PLAU: variants seen among roughly 807,000 people sequenced by gnomAD.
PLAU encodes plasminogen activator, urokinase, also known as urokinase-type plasminogen activator.
In PLAU, 32 loss-of-function variants were observed where a neutral mutation model predicts 48.9. That is an observed-to-expected ratio of 0.65 (90% confidence interval 0.49 to 0.88). PLAU has a LOEUF of 0.88. Ranked by LOEUF, PLAU falls within the 40% of genes least tolerant of loss-of-function variation. The probability of loss-of-function intolerance (pLI) is 0.00; values close to 1 mark genes in which losing one functional copy is unlikely to be tolerated. For missense variants in PLAU, 455 were observed against 545.2 expected (o/e 0.83, Z 1.65); for synonymous variants, 199 against 205.7 (o/e 0.97, Z 0.28).
intron 5 of PLAU, 61 bp from the exon 6 acceptor site, chr10:73,913,229 G>A (rs373311288): frequency 1.3e-6 from 2 of 1,573,690 alleles, no homozygotes; most frequent in Non-Finnish European, 1.7e-6. Flanking sequence ...TTCCCTGAGG[G>A]GAGGAGGCAG....
In PLAU at chr10:73,916,835, G is replaced by T. The variant is rs1338211434; in HGVS notation, c.*270G>T. Reference sequence around the variant, plus strand: ...GCAACTTGTCTTTTTCTGGACTGAAGCCTGCAGGAGTTAAAAAGGGCAGGG... The same window carrying T: ...GCAACTTGTCTTTTTCTGGACTGAATCCTGCAGGAGTTAAAAAGGGCAGGG... On this transcript the variant is annotated 3_prime_UTR_variant, in exon 11 of 11. Transcript: ENST00000372764. 1 of 427,148 alleles carries T rather than the reference G, an allele frequency of 2.3e-6. No individual in the cohort carries two copies. The allele number at this position is 427,148 out of a possible 1,614,324, so 26.5% of individuals were successfully genotyped here. A position where few individuals can be genotyped will look rare whatever the true frequency, so the allele number is the denominator to read the frequency against.
At chr10:73,911,680 G>C in intron 2 of PLAU, 68 bp downstream of exon 2, 1 of 1,593,442 alleles carries the variant, frequency 6.3e-7, no homozygotes, top group Non-Finnish European at 8.5e-7. Flanking sequence ...GAGAGGAGGG[G>C]CTGCTCAGGG....
rs150522269 is a variant in PLAU, at chr10:73,916,428, C to T, written c.1159C>T (p.Arg387Cys). Residue 387 changes from arginine (R) to cysteine (C), a missense_variant, in exon 11 of 11, where the codon CGC becomes TGC. Arg to Cys is a radical substitution (Grantham distance 180). Coordinates refer to ENST00000372764, the MANE Select transcript of PLAU (RefSeq NM_002658.6). ...GGPLVCSLQGRMTLTGIVSWG... is the reference protein window; with the variant it reads ...GGPLVCSLQGCMTLTGIVSWG... Reference sequence around the variant, plus strand: ...ACCCCTCGTCTGTTCCCTCCAAGGCCGCATGACTTTGACTGGAATTGTGAG... The same window carrying T: ...ACCCCTCGTCTGTTCCCTCCAAGGCTGCATGACTTTGACTGGAATTGTGAG... 42 of 1,613,692 alleles carry T rather than the reference C, an allele frequency of 2.6e-5. No homozygotes were observed. The highest frequency in any genetic ancestry group is 1.2e-4 in the Admixed American group (7 of 59,972).
At chr10:73,914,233 G>A in intron 8 of PLAU, 105 bp downstream of exon 8, 1 of 1,185,730 alleles carries the variant, frequency 8.4e-7, no homozygotes, top group Non-Finnish European at 1.2e-6. Flanking sequence ...GGCAGGGGTG[G>A]GGCGAGGGAC....
At position 73,912,916 on chromosome 10, in the gene PLAU, C is replaced by G; in HGVS notation, c.194-8C>G. 6.3e-7 allele frequency: 1 copy of G among 1,596,172 alleles called. No homozygotes were observed. The highest frequency in any genetic ancestry group is 8.5e-7 in the Non-Finnish European group (1 of 1,171,202). ...CTCATATTCTCTCATCCTCCTGTCC[C>G]CTTGTAGATAAGTCAAAAACCTGCT... On this transcript the variant is annotated splice_region_variant and splice_polypyrimidine_tract_variant and intron_variant, in intron 4 of 10. Transcript: ENST00000372764.
chr10:73,915,124 G>A, intron 9 of PLAU, 127 bp from the exon 10 acceptor site: 1 of 1,122,032 alleles, frequency 8.9e-7, no homozygotes, highest in Non-Finnish European at 1.3e-6. Context: ...TGGAGTAAAG[G>A]CTCAGATTTG....
In PLAU at chr10:73,914,034, C is replaced by T. The variant is rs1249124159; in HGVS notation, c.735C>T (p.Asn245=). The change falls in exon 8 of 11, where the codon AAC becomes AAT. Residue 245 remains asparagine, a synonymous_variant. Coordinates refer to ENST00000372764, the MANE Select transcript of PLAU (RefSeq NM_002658.6). ...TCTACCTGGGTCGCTCAAGGCTTAA[C>T]TCCAACACGCAAGGGGAGATGAAGT... ...YIVYLGRSRL[N]SNTQGEMKFE... 5 of 1,613,982 alleles carry T rather than the reference C, an allele frequency of 3.1e-6. No individual in the cohort carries two copies. Among genetic ancestry groups the T allele is most frequent in the Non-Finnish European group, 4.2e-6 (5 of 1,179,802 alleles).
In PLAU at chr10:73,916,537, C is replaced by T. The variant is rs2096137423; in HGVS notation, c.1268C>T (p.Thr423Ile). Reference protein sequence around the residue: ...SHFLPWIRSHTKEENGLAL With the variant: ...SHFLPWIRSHIKEENGLAL The stretch of plus-strand genomic sequence containing the variant: ...TTCTTACCCTGGATCCGCAGTCACA[C>T]CAAGGAAGAGAATGGCCTGGCCCTC... Residue 423 changes from threonine to isoleucine, a missense_variant, in exon 11 of 11, where the codon ACC becomes ATC. By Grantham distance (89) the Thr-to-Ile change is moderately conservative. Transcript: ENST00000372764. The T allele has an allele frequency of 1.2e-6, 2 of 1,613,304 alleles. No homozygotes were observed. The highest frequency in any genetic ancestry group is 2.2e-5 in the East Asian group (1 of 44,874).
chr10:73,915,411 A>T lies in PLAU; in HGVS notation c.1119+12A>T, dbSNP rs757169446. 3 of 1,595,630 alleles carry T rather than the reference A, an allele frequency of 1.9e-6. No individual in the cohort carries two copies. In the Admixed American group the frequency reaches 5.2e-5, roughly 28 times the overall value. ...CAGATTCCTGCCAGGTGAGTGTTCC[A>T]AGCATCTCTCTCCACCTCTTCCATA... On this transcript the variant is annotated intron_variant, in intron 10 of 10. Transcript: ENST00000372764.
intron 4 of PLAU, 24 bp downstream of exon 4, chr10:73,912,346 G>A: frequency 6.4e-7 from 1 of 1,564,092 alleles, no homozygotes; most frequent in Non-Finnish European, 8.8e-7. Context: ...CACTGCAACT[G>A]GGAGAGAAAT....
At position 73,912,084 on chromosome 10, in the gene PLAU, T is replaced by A; in HGVS notation, c.85+16T>A. The A allele has an allele frequency of 6.2e-7, 1 of 1,604,928 alleles. No individual in the cohort carries two copies. The highest frequency in any genetic ancestry group is 1.1e-5 in the South Asian group (1 of 89,932). On this transcript the variant is annotated intron_variant, in intron 3 of 10. Transcript: ENST00000372764. ...CAAGTTCCATGTGAGTATCCACCCC[T>A]ACAACAGTTGGCTGCACAGACAAGT...
At position 73,917,414 on chromosome 10, in the gene PLAU, C is replaced by T. The variant is rs2096139398; in HGVS notation, c.*849C>T. ...GTGGGGTGAGGACCACTCCTGTACACTGAATATTTATATTTCACTATTTTT... is the reference window on the plus strand; with the variant it reads ...GTGGGGTGAGGACCACTCCTGTACATTGAATATTTATATTTCACTATTTTT... On this transcript the variant is annotated 3_prime_UTR_variant, in exon 11 of 11. Transcript: ENST00000372764. The T allele has an allele frequency of 6.6e-6, 1 of 152,460 alleles. No homozygotes were observed. Among genetic ancestry groups the T allele is most frequent in the Admixed American group, 6.5e-5 (1 of 15,270 alleles). The allele number at this position is 152,460 out of a possible 1,614,324, so 9.4% of individuals were successfully genotyped here.
chr10:73,909,561 C>G (rs2227552), upstream of PLAU, among the ~76,000 whole-genome samples: 1 of 152,026 alleles, frequency 6.6e-6, no homozygotes, highest in Non-Finnish European at 1.5e-5. Flanking sequence ...GCAGCTGGCA[C>G]CCTGAGCCCT....
rs377412161 is a variant in PLAU at position 73,911,485 on chromosome 10, G to A, written c.-31-40G>A. 2.8e-3 allele frequency: 4,353 copies of A among 1,573,482 alleles called. 26 individuals are homozygous for A. Among genetic ancestry groups the A allele is most frequent in the Non-Finnish European group, 2.7e-3 (3,162 of 1,164,036 alleles). On this transcript the variant is annotated intron_variant, in intron 1 of 10. Transcript: ENST00000372764. Reference sequence around the variant, plus strand: ...AGTCGCCCGCCTGGCCTGCCTTCCCGTTCCTCCGCCTCTTGCCCTGACTTC... The same window carrying A: ...AGTCGCCCGCCTGGCCTGCCTTCCCATTCCTCCGCCTCTTGCCCTGACTTC...
upstream of PLAU, chr10:73,911,090 C>A: frequency 6.2e-6 from 1 of 161,280 alleles, no homozygotes; most frequent in Non-Finnish European, 1.3e-5. Flanking sequence ...GGGGCGGCGC[C>A]GGGGCGGGCC....
chr10:73,912,030 ATC>A lies in PLAU; in HGVS notation c.58-7_58-6del. ...GACCTTTGATGAAGCCTCCTCCCGAATCTCTTCCAGGGCAGCAATGAACTTCA... is the reference window on the plus strand; with the variant it reads ...GACCTTTGATGAAGCCTCCTCCCGAATCTTCCAGGGCAGCAATGAACTTCA... On this transcript the variant is annotated splice_polypyrimidine_tract_variant and intron_variant, in intron 2 of 10. Coordinates refer to ENST00000372764, the MANE Select transcript of PLAU (RefSeq NM_002658.6). The A allele has an allele frequency of 6.2e-7, 1 of 1,613,446 alleles. No individual in the cohort carries two copies. The highest frequency in any genetic ancestry group is 1.7e-4 in the Middle Eastern group (1 of 6,058).
chr10:73,914,713 G>A, intron 8 of PLAU, 63 bp from the exon 9 acceptor site: 1 of 1,521,882 alleles, frequency 6.6e-7, no homozygotes. Flanking sequence ...CACTTGGAGG[G>A]GACAGATGGG....
chr10:73,911,162 G>T lies in PLAU; in HGVS notation c.-88G>T, dbSNP rs935976234. The T allele has an allele frequency of 4.0e-6, 1 of 251,944 alleles. No individual in the cohort carries two copies. Among genetic ancestry groups the T allele is most frequent in the Non-Finnish European group, 7.5e-6 (1 of 133,414 alleles). The allele number at this position is 251,944 out of a possible 1,614,324, so 15.6% of individuals were successfully genotyped here. A position where few individuals can be genotyped will look rare whatever the true frequency, so the allele number is the denominator to read the frequency against. ...GCGGAGACCGCAGCCCCGGAGCCCGGGCCAGGGTCCACCTGTCCCCGCAGC... is the reference window on the plus strand; with the variant it reads ...GCGGAGACCGCAGCCCCGGAGCCCGTGCCAGGGTCCACCTGTCCCCGCAGC... On this transcript the variant is annotated 5_prime_UTR_variant, in exon 1 of 11. Coordinates refer to ENST00000372764, the MANE Select transcript of PLAU (RefSeq NM_002658.6).
rs766451751 is a variant in PLAU, at chr10:73,912,914, C to T, written c.194-10C>T. 9 of 1,589,828 alleles carry T rather than the reference C, an allele frequency of 5.7e-6. No individual in the cohort carries two copies. Among genetic ancestry groups the T allele is most frequent in the African/African-American group, 5.4e-5 (4 of 73,756 alleles). On this transcript the variant is annotated splice_polypyrimidine_tract_variant and intron_variant, in intron 4 of 10. Transcript: ENST00000372764. ...TTCTCATATTCTCTCATCCTCCTGT[C>T]CCCTTGTAGATAAGTCAAAAACCTG...
Sources: gnomAD v4.1 joint callset for allele counts (sites outside exome capture counted in the v4.1 genomes callset) on GRCh38, gnomAD v4.1.1 for gene constraint, MANE v1.5 for transcripts, NCBI Gene and HGNC (gene_info 2026-07-23, HGNC 2026-07-21) for gene names.